Variants in SYNM observed in about 807,000 individuals in gnomAD.
SYNM encodes synemin.
In SYNM, 95 loss-of-function variants were observed where a neutral mutation model predicts 104.0. The ratio of observed to expected loss-of-function variants is 0.91; its 90% CI spans 0.77 to 1.08. The LOEUF (loss-of-function observed/expected upper bound fraction) is 1.08, where lower values mean the gene tolerates loss of function less well. Among genes scored for constraint, SYNM ranks in the 50% least tolerant of loss-of-function variants. SYNM has a pLI of 0.00. For synonymous variants in SYNM, 918 were observed against 869.0 expected (o/e 1.06, Z -0.99); for missense variants, 2,150 against 2,052.2 (o/e 1.05, Z -0.92).
chr15:99,110,663 A>G (rs1194142800), intron 1 of SYNM, among the ~76,000 whole-genome samples: 1 of 152,252 alleles, frequency 6.6e-6, no homozygotes, highest in Non-Finnish European at 1.5e-5. Flanking sequence ...CGGTAGCTCA[A>G]GTTTGGCTAA....
At chr15:99,119,018 G>A (rs544728343) in intron 2 of SYNM, among the ~76,000 whole-genome samples, 3 of 152,350 alleles carry the variant, frequency 2.0e-5, no homozygotes, top group African/African-American at 7.2e-5. Context: ...CAAGAGTAGC[G>A]GCAGTTGTGT....
Position 99,118,675 on chromosome 15 carries a change from C to G in SYNM, c.935+4960C>G, listed in dbSNP as rs146536488. 2.9e-3 allele frequency among the ~76,000 whole-genome samples: 446 copies of G among 152,174 alleles called. 3 individuals carry two copies. The highest frequency in any genetic ancestry group is 9.7e-3 in the African/African-American group (403 of 41,538). ...TGTATACTTGTAATTTCCAGAGAGA[C>G]TTGCAATTTATAAATAAATATATAA... is the stretch of plus-strand genomic sequence containing the variant. On this transcript the variant is annotated intron_variant, in intron 2 of 3. Transcript: ENST00000336292.
chr15:99,130,252 G>A lies in SYNM; in HGVS notation c.1892G>A (p.Gly631Asp), dbSNP rs782758768. The part of the protein sequence containing the change: ...GTSDATGSLQ[G>D]DSMTETVAEN... Reference sequence around the variant, plus strand: ...AGTGATGCCACTGGTTCTCTGCAAGGCGATTCCATGACAGAAACCGTAGCA... The same window carrying A: ...AGTGATGCCACTGGTTCTCTGCAAGACGATTCCATGACAGAAACCGTAGCA... The change falls in exon 4 of 4, where the codon GGC (glycine) becomes GAC (aspartate). Residue 631 changes from glycine to aspartate, a missense_variant. By Grantham distance (94) the Gly-to-Asp change is moderately conservative. Transcript: ENST00000336292. The A allele has an allele frequency of 6.2e-7, 1 of 1,613,988 alleles. No individual in the cohort carries two copies. The highest frequency in any genetic ancestry group is 1.1e-5 in the South Asian group (1 of 91,080).
Position 99,132,142 on chromosome 15 carries a change from C to G in SYNM, c.3782C>G (p.Ser1261Cys). ...ATEESVGTQT[S>C]VRQLQLGPKE... is the part of the protein sequence containing the mutation. ...GAAGAGTCAGTGGGTACCCAGACTTCTGTCAGGCAACTCCAGTTAGGCCCT... is the reference window on the plus strand; with the variant it reads ...GAAGAGTCAGTGGGTACCCAGACTTGTGTCAGGCAACTCCAGTTAGGCCCT... Residue 1261 changes from serine (S) to cysteine (C), a missense_variant, in exon 4 of 4, where the codon TCT becomes TGT. By Grantham distance (112) the Ser-to-Cys change is moderately radical. Coordinates refer to ENST00000336292, the MANE Select transcript of SYNM (RefSeq NM_145728.3). 5 of 1,614,032 alleles carry G rather than the reference C, an allele frequency of 3.1e-6. No individual in the cohort carries two copies. Among genetic ancestry groups the G allele is most frequent in the Non-Finnish European group, 4.2e-6 (5 of 1,179,912 alleles).
At chr15:99,140,875 T>A in the SYNM span, 1 of 152,174 alleles carries the variant, frequency 6.6e-6, no homozygotes, top group Non-Finnish European at 1.5e-5. Context: ...TCAGAATACA[T>A]GAAGAATTCC....
At chr15:99,124,846 G>C (rs1183819451) in intron 2 of SYNM, among the ~76,000 whole-genome samples, 18 of 152,220 alleles carry the variant, frequency 1.2e-4, no homozygotes, top group Admixed American at 1.2e-3. Flanking sequence ...AAGTACATGA[G>C]TGACCACAAT....
chr15:99,141,606 T>TA, the SYNM span, among the ~76,000 whole-genome samples: 6 of 151,968 alleles, frequency 3.9e-5, no homozygotes, highest in African/African-American at 1.2e-4. Flanking sequence ...ATAGCTTGAG[T>TA]AAAAAAAAGT....
rs782667124 is a variant in SYNM, at chr15:99,132,149, G to C, written c.3789G>C (p.Arg1263Ser). 1 of 1,613,902 alleles carries C rather than the reference G, an allele frequency of 6.2e-7. No homozygotes were observed. Among genetic ancestry groups the C allele is most frequent in the African/African-American group, 1.3e-5 (1 of 74,936 alleles). The change falls in exon 4 of 4, where the codon AGG becomes AGC. Residue 1263 changes from arginine to serine, a missense_variant. Coordinates refer to ENST00000336292, the MANE Select transcript of SYNM (RefSeq NM_145728.3). ...EESVGTQTSV[R>S]QLQLGPKEGF... Reference sequence around the variant, plus strand: ...CAGTGGGTACCCAGACTTCTGTCAGGCAACTCCAGTTAGGCCCTAAAGAAG... The same window carrying C: ...CAGTGGGTACCCAGACTTCTGTCAGCCAACTCCAGTTAGGCCCTAAAGAAG...
At chr15:99,136,203 G>C (rs1028723704), downstream of SYNM, 1 of 142,560 alleles carries the variant, frequency 7.0e-6, no homozygotes, top group East Asian at 2.4e-4. Context: ...GACATTGGAG[G>C]GAACATTCCT....
At position 99,131,035 on chromosome 15, in the gene SYNM, A is replaced by G; in HGVS notation, c.2675A>G (p.Asp892Gly). The stretch of plus-strand genomic sequence containing the variant: ...GGCGAGAAGGTTGTGAAGCCCTTGG[A>G]TGTCCCAGCGCCCTCTCTGGAGGGG... Reference protein sequence around the residue: ...AVGEKVVKPLDVPAPSLEGDL... With the variant: ...AVGEKVVKPLGVPAPSLEGDL... Residue 892 changes from aspartate to glycine, a missense_variant, in exon 4 of 4, where the codon GAT (aspartate) becomes GGT (glycine). By Grantham distance (94) the Asp-to-Gly change is moderately conservative. Coordinates refer to ENST00000336292, the MANE Select transcript of SYNM (RefSeq NM_145728.3). The surrounding 1 kb of genome is among the most constrained non-coding windows in gnomAD (Gnocchi z 4.3). The G allele has an allele frequency of 6.2e-7, 1 of 1,610,804 alleles. No individual in the cohort carries two copies. Among genetic ancestry groups the G allele is most frequent in the Non-Finnish European group, 8.5e-7 (1 of 1,178,462 alleles).
downstream of SYNM, chr15:99,139,379 G>A (rs782684920): frequency 6.2e-7 from 1 of 1,614,172 alleles, no homozygotes; most frequent in Non-Finnish European, 8.5e-7. Flanking sequence ...GTCCATATAA[G>A]AGGGTCTGGA....
rs781953493 is a variant in SYNM, at chr15:99,132,507, G to T, written c.4147G>T (p.Asp1383Tyr). 2 of 1,614,042 alleles carry T rather than the reference G, an allele frequency of 1.2e-6. No individual in the cohort carries two copies. Among genetic ancestry groups the T allele is most frequent in the East Asian group, 4.5e-5 (2 of 44,884 alleles). Residue 1383 changes from aspartate to tyrosine, a missense_variant, in exon 4 of 4, where the codon GAT becomes TAT. Transcript: ENST00000336292. ...QSVVSESPQEDSAEDTSGAEM... is the reference protein window; with the variant it reads ...QSVVSESPQEYSAEDTSGAEM... ...TGTCGTTTCTGAATCTCCCCAGGAG[G>T]ATAGTGCAGAGGACACATCAGGGGC...
At chr15:99,125,081 A>C (rs2067434565) in intron 2 of SYNM, among the ~76,000 whole-genome samples, 1 of 152,192 alleles carries the variant, frequency 6.6e-6, no homozygotes, top group African/African-American at 2.4e-5. Context: ...CTGGACAGCA[A>C]CATACCTTCC....
In SYNM at chr15:99,133,190, G is replaced by A. The variant is rs541372088; in HGVS notation, c.*132G>A. 405 of 1,461,908 alleles carry A rather than the reference G, an allele frequency of 2.8e-4. 1 individual carries two copies. The African/African-American group carries it at 4.5e-3, about 16-fold the overall frequency. The allele number at this position is 1,461,908 out of a possible 1,614,324, so 90.6% of individuals were successfully genotyped here. On this transcript the variant is annotated 3_prime_UTR_variant, in exon 4 of 4. Coordinates refer to ENST00000336292, the MANE Select transcript of SYNM (RefSeq NM_145728.3). ...TTTTACTTTTTTAAAGAGTACTCCC[G>A]GCATGGTCAATTTCCTTTATAGTTA...
Position 99,130,922 on chromosome 15 carries a change from C to T in SYNM, c.2562C>T (p.His854=), listed in dbSNP as rs782012020. ...RDDGSVYGQI[H]IEEESTIRYS... The stretch of plus-strand genomic sequence containing the variant: ...ACGGCTCGGTGTACGGGCAGATCCA[C>T]ATCGAGGAGGAATCCACCATCAGGT... Residue 854 remains histidine, a synonymous_variant, in exon 4 of 4, where the codon CAC becomes CAT. Coordinates refer to ENST00000336292, the MANE Select transcript of SYNM (RefSeq NM_145728.3). 1.2e-6 allele frequency: 2 copies of T among 1,613,858 alleles called. No homozygotes were observed. The highest frequency in any genetic ancestry group is 3.3e-5 in the Admixed American group (2 of 60,022).
At position 99,129,544 on chromosome 15, in the gene SYNM, G is replaced by T; in HGVS notation, c.1184G>T (p.Arg395Ile). Residue 395 changes from arginine (R) to isoleucine (I), a missense_variant, in exon 4 of 4, where the codon AGA becomes ATA. Arg to Ile is a moderately conservative substitution (Grantham distance 97, BLOSUM62 -3). Transcript: ENST00000336292. ...QTGTSIGGDA[R>I]RGFLGSGYSS... ...GGCACATCTATTGGAGGTGATGCCA[G>T]AAGAGGCTTCTTGGGCTCGGGATAT... is the stretch of plus-strand genomic sequence containing the variant. 1 of 1,614,018 alleles carries T rather than the reference G, an allele frequency of 6.2e-7. No individual in the cohort carries two copies. The highest frequency in any genetic ancestry group is 1.1e-5 in the South Asian group (1 of 91,078).
At chr15:99,108,084 C>T (rs1008230972) in intron 1 of SYNM, among the ~76,000 whole-genome samples, 5 of 152,052 alleles carry the variant, frequency 3.3e-5, no homozygotes, top group Middle Eastern at 3.4e-3. Context: ...AAGTGATTCT[C>T]GTGCCTCAGC....
intron 1 of SYNM, among the ~76,000 whole-genome samples, chr15:99,106,878 A>G (rs1555482885): frequency 6.6e-6 from 1 of 152,268 alleles, no homozygotes; most frequent in Non-Finnish European, 1.5e-5. Context: ...AGATGGAAAT[A>G]ACATCTGCAC....
chr15:99,129,924 G>T lies in SYNM; in HGVS notation c.1564G>T (p.Glu522Ter). The T allele has an allele frequency of 1.2e-6, 2 of 1,612,418 alleles. No individual in the cohort carries two copies. Among genetic ancestry groups the T allele is most frequent in the Non-Finnish European group, 1.7e-6 (2 of 1,179,094 alleles). Residue 522 changes from glutamate to a stop codon, truncating the protein, a stop_gained, in exon 4 of 4, where the codon GAG becomes TAG. Transcript: ENST00000336292. LOFTEE classifies it low-confidence loss of function (END_TRUNC). ...AGAAACCATCCGAACAAAGCCAGAAGAGAAAATGTTCGATTCTAAAGAGAA... is the reference window on the plus strand; with the variant it reads ...AGAAACCATCCGAACAAAGCCAGAATAGAAAATGTTCGATTCTAAAGAGAA... ...RPETIRTKPE[E>*]KMFDSKEKAS...
Sources: allele counts gnomAD v4.1 joint callset (sites outside exome capture counted in the v4.1 genomes callset), GRCh38; gene constraint gnomAD v4.1.1; non-coding constraint Gnocchi (gnomAD v3.1); transcripts MANE v1.5; gene names NCBI Gene and HGNC (gene_info 2026-07-23, HGNC 2026-07-21).